NPAS3: variants seen among roughly 807,000 people sequenced by gnomAD.
NPAS3 encodes the protein neuronal PAS domain-containing protein 3.
A neutral mutation model predicts 73.1 loss-of-function variants in NPAS3; 14 were observed. The observed-to-expected ratio is 0.19, with a 90% CI of 0.13 to 0.30. The LOEUF (loss-of-function observed/expected upper bound fraction) is 0.30. NPAS3 is among the 10% of genes least tolerant of loss of function. NPAS3 has a pLI of 1.00. For missense variants in NPAS3, 1,096 were observed against 1,250.0 expected (o/e 0.88, Z 1.86); for synonymous variants, 620 against 541.5 (o/e 1.14, Z -2.01).
At chr14:33,101,231 C>T (rs2042568155) in intron 2 of NPAS3, among the ~76,000 whole-genome samples, 1 of 152,090 alleles carries the variant, frequency 6.6e-6, no homozygotes, top group Admixed American at 6.6e-5. Context: ...CCAGTCTCTT[C>T]CCTTATTCAA....
chr14:33,606,387 T>C (rs962900119), intron 5 of NPAS3, among the ~76,000 whole-genome samples: 2 of 151,884 alleles, frequency 1.3e-5, no homozygotes. Context: ...TCCATGTCCC[T>C]ACAAAGGACA....
chr14:33,021,511 C>T (rs2039595970), intron 1 of NPAS3, among the ~76,000 whole-genome samples: 1 of 152,106 alleles, frequency 6.6e-6, no homozygotes, highest in African/African-American at 2.4e-5. Flanking sequence ...CCTACAGACA[C>T]ATTTGGTTTG....
intron 2 of NPAS3, among the ~76,000 whole-genome samples, chr14:33,197,269 T>TGTGTGTGTGTGTGTGTG (rs1300549499): frequency 9.6e-5 from 2 of 20,800 alleles, no homozygotes; most frequent in African/African-American, 1.5e-4. Flanking sequence ...GTGTGTGTGT[T>TGTGTGTGTGTGTGTGTG]CTTTTTCAAT....
intron 5 of NPAS3, among the ~76,000 whole-genome samples, chr14:33,632,827 C>A (rs965832205): frequency 6.6e-6 from 1 of 152,074 alleles, no homozygotes; most frequent in Non-Finnish European, 1.5e-5. Flanking sequence ...CCTAAGTAAG[C>A]CAAATACCTT....
chr14:32,975,920 C>T (rs910375695), intron 1 of NPAS3, among the ~76,000 whole-genome samples: 12 of 151,278 alleles, frequency 7.9e-5, no homozygotes, highest in Middle Eastern at 6.8e-3. Flanking sequence ...TTTGCAGACA[C>T]GCATGCATTT....
chr14:33,532,770 T>C (rs769737953), intron 4 of NPAS3, among the ~76,000 whole-genome samples: 1 of 152,220 alleles, frequency 6.6e-6, no homozygotes, highest in Non-Finnish European at 1.5e-5. Context: ...TGTTGTGTAG[T>C]AAATGACCGC....
intron 3 of NPAS3, among the ~76,000 whole-genome samples, chr14:33,321,263 T>G (rs1331574921): frequency 6.6e-6 from 1 of 152,234 alleles, no homozygotes; most frequent in East Asian, 1.9e-4. Flanking sequence ...TGTACAGATT[T>G]GTAGATACTC....
At chr14:33,365,012 G>A (rs1488834252) in intron 3 of NPAS3, among the ~76,000 whole-genome samples, 1 of 149,100 alleles carries the variant, frequency 6.7e-6, no homozygotes, top group Non-Finnish European at 1.5e-5. Flanking sequence ...TTGGGGGAGG[G>A]GGGAGGGGAC....
chr14:33,052,309 A>G (rs981742574), intron 1 of NPAS3, among the ~76,000 whole-genome samples: 21 of 152,168 alleles, frequency 1.4e-4, no homozygotes, highest in Admixed American at 1.3e-4. Flanking sequence ...GTTCTCTGGT[A>G]GCTTATCTTC....
intron 4 of NPAS3, among the ~76,000 whole-genome samples, chr14:33,557,738 G>C (rs2031046526): frequency 6.6e-6 from 1 of 152,212 alleles, no homozygotes; most frequent in South Asian, 2.1e-4. Flanking sequence ...GGGAGGCCGA[G>C]GCGGGCAGAT....
intron 2 of NPAS3, among the ~76,000 whole-genome samples, chr14:33,124,370 G>A (rs550393407): frequency 6.6e-6 from 1 of 152,158 alleles, no homozygotes; most frequent in South Asian, 2.1e-4. Flanking sequence ...TCGGAAGCCG[G>A]ACCACTTATA....
intron 4 of NPAS3, among the ~76,000 whole-genome samples, chr14:33,545,403 G>A (rs565778771): frequency 2.5e-4 from 38 of 152,216 alleles, no homozygotes; most frequent in African/African-American, 7.0e-4. Flanking sequence ...CCTGCTGTAC[G>A]ATGACACTTT....
At position 33,488,861 on chromosome 14, in the gene NPAS3, T is replaced by C. The variant is rs566267620; in HGVS notation, c.469-71260T>C. 1.1e-4 allele frequency among the ~76,000 whole-genome samples: 16 copies of C among 152,284 alleles called. No homozygotes were observed. The South Asian group carries it at 2.1e-3, about 20-fold the overall frequency. On this transcript the variant is annotated intron_variant, in intron 4 of 11. Transcript: ENST00000356141. ...ATCTATTGAAGGAGTGTTTTCCATATTGAGGTGCCGTATGAAAGTGTAAAA... is the reference window on the plus strand; with the variant it reads ...ATCTATTGAAGGAGTGTTTTCCATACTGAGGTGCCGTATGAAAGTGTAAAA...
chr14:33,205,893 A>C (rs1875591695), intron 2 of NPAS3, among the ~76,000 whole-genome samples: 1 of 152,208 alleles, frequency 6.6e-6, no homozygotes, highest in Non-Finnish European at 1.5e-5. Flanking sequence ...AGTGTTTGAA[A>C]TCACACTTAA....
chr14:33,429,578 G>C (rs557060533), intron 4 of NPAS3, among the ~76,000 whole-genome samples: 1 of 152,110 alleles, frequency 6.6e-6, no homozygotes, highest in African/African-American at 2.4e-5. Context: ...CAATTTACAA[G>C]GTACTTCCTT....
At chr14:33,337,179 G>A (rs925491131) in intron 3 of NPAS3, among the ~76,000 whole-genome samples, 4 of 152,030 alleles carry the variant, frequency 2.6e-5, no homozygotes, top group South Asian at 2.1e-4. Flanking sequence ...ACAATTTTAT[G>A]TTTTGTTTCA....
intron 7 of NPAS3, among the ~76,000 whole-genome samples, chr14:33,751,378 T>C (rs1043992022): frequency 2.0e-5 from 3 of 152,198 alleles, no homozygotes; most frequent in Admixed American, 6.6e-5. Context: ...GTGCAGGGAC[T>C]TTTTCCCCTT....
intron 5 of NPAS3, among the ~76,000 whole-genome samples, chr14:33,593,083 C>G (rs1050167683): frequency 1.3e-5 from 2 of 152,092 alleles, no homozygotes; most frequent in African/African-American, 4.8e-5. Flanking sequence ...GGGGTCATAT[C>G]ACCAGACTGT....
At chr14:33,434,605 C>CA (rs1443626147) in intron 4 of NPAS3, among the ~76,000 whole-genome samples, 1 of 152,024 alleles carries the variant, frequency 6.6e-6, no homozygotes, top group Non-Finnish European at 1.5e-5. Context: ...AGTCACTCCT[C>CA]ATTTGTTCTG....
Sources: allele counts gnomAD v4.1 joint callset (sites outside exome capture counted in the v4.1 genomes callset), GRCh38; gene constraint gnomAD v4.1.1; transcripts MANE v1.5; gene names NCBI Gene and HGNC (gene_info 2026-07-23, HGNC 2026-07-21).